POU6F2: variants seen among roughly 807,000 people sequenced by gnomAD.
The protein encoded by POU6F2 is POU domain, class 6, transcription factor 2.
A neutral mutation model predicts 71.3 loss-of-function variants in POU6F2; 31 were observed. That is an observed-to-expected ratio of 0.43 (90% confidence interval 0.33 to 0.59). POU6F2 has a LOEUF of 0.59. Ranked by LOEUF, POU6F2 falls within the 20% of genes least tolerant of loss-of-function variation. The pLI is 0.04. For missense variants in POU6F2, 783 were observed against 856.8 expected (o/e 0.91, Z 1.07); for synonymous variants, 347 against 355.7 (o/e 0.98, Z 0.27).
At chr7:39,038,967 C>G (rs1790122100) in intron 1 of POU6F2, among the ~76,000 whole-genome samples, 1 of 151,768 alleles carries the variant, frequency 6.6e-6, no homozygotes, top group South Asian at 2.1e-4. Context: ...GAAGACAAAA[C>G]TGCTTATGAA....
chr7:39,413,890 C>T (rs758221368), intron 6 of POU6F2, among the ~76,000 whole-genome samples: 4 of 152,202 alleles, frequency 2.6e-5, no homozygotes, highest in African/African-American at 7.2e-5. Flanking sequence ...GAAACAGTTG[C>T]ATTAATGCCG....
At position 39,023,871 on chromosome 7, in the gene POU6F2, G is replaced by T. The variant is rs1180627176; in HGVS notation, c.105+45813G>T. ...AGCCAGAAAGGAAAAAGGCCCAATG[G>T]TTGGTGAAAGAGCCAGGATTCCTGT... On this transcript the variant is annotated intron_variant, in intron 1 of 9. Coordinates refer to ENST00000518318, the MANE Select transcript of POU6F2 (RefSeq NM_001370959.1). Among the ~76,000 whole-genome samples, 4 of 152,018 alleles carry T rather than the reference G, an allele frequency of 2.6e-5. No individual in the cohort carries two copies. The South Asian group carries it at 8.3e-4, about 32-fold the overall frequency.
intron 5 of POU6F2, among the ~76,000 whole-genome samples, chr7:39,367,042 C>A (rs905449574): frequency 2.6e-5 from 4 of 151,782 alleles, no homozygotes; most frequent in Non-Finnish European, 5.9e-5. Flanking sequence ...GAGGGGGAGA[C>A]CTGAAGAGGG....
At chr7:38,990,586 T>C (rs1174673047) in intron 1 of POU6F2, among the ~76,000 whole-genome samples, 1 of 152,186 alleles carries the variant, frequency 6.6e-6, no homozygotes, top group Non-Finnish European at 1.5e-5. Context: ...ATCAACATGA[T>C]CTTCAACAAA....
chr7:39,113,992 T>C (rs1791876097), intron 2 of POU6F2, among the ~76,000 whole-genome samples: 1 of 152,128 alleles, frequency 6.6e-6, no homozygotes, highest in Non-Finnish European at 1.5e-5. Context: ...AGAGTGTATC[T>C]CTTAAGAAAT....
intron 4 of POU6F2, among the ~76,000 whole-genome samples, chr7:39,224,421 G>C (rs1794424878): frequency 1.3e-5 from 2 of 151,260 alleles, no homozygotes; most frequent in Non-Finnish European, 2.9e-5. Context: ...ACCCCAAACT[G>C]CTCCAGCATT....
chr7:39,131,190 T>C (rs948247444), intron 2 of POU6F2, among the ~76,000 whole-genome samples: 4 of 152,152 alleles, frequency 2.6e-5, no homozygotes, highest in Non-Finnish European at 5.9e-5. Flanking sequence ...ATTGCTTTTT[T>C]CCCCTTCCCC....
chr7:39,269,355 T>A (rs1234248884), intron 4 of POU6F2, among the ~76,000 whole-genome samples: 1 of 152,120 alleles, frequency 6.6e-6, no homozygotes, highest in Non-Finnish European at 1.5e-5. Flanking sequence ...TCCTGGACAG[T>A]TCCTCCTAGT....
At chr7:39,130,221 T>C (rs1227446510) in intron 2 of POU6F2, among the ~76,000 whole-genome samples, 1 of 151,722 alleles carries the variant, frequency 6.6e-6, no homozygotes, top group Non-Finnish European at 1.5e-5. Context: ...TTATTAACTA[T>C]AGGAAAAATT....
intron 1 of POU6F2, among the ~76,000 whole-genome samples, chr7:39,044,221 A>G (rs1476283029): frequency 6.6e-6 from 1 of 151,938 alleles, no homozygotes; most frequent in Admixed American, 6.6e-5. Context: ...GTCGATTTTC[A>G]TTATCATTTT....
At chr7:39,070,057 C>T (rs867846214) in intron 1 of POU6F2, among the ~76,000 whole-genome samples, 1 of 152,150 alleles carries the variant, frequency 6.6e-6, no homozygotes, top group Admixed American at 6.5e-5. Context: ...ACTGGCCACA[C>T]GTGCCCAGGG....
At chr7:39,404,477 A>ATAAATAATTG (rs1288265881) in intron 5 of POU6F2, 2 of 152,250 alleles carry the variant, frequency 1.3e-5, no homozygotes, top group Non-Finnish European at 2.9e-5. Context: ...TTCATTAAAT[A>ATAAATAATTG]TAAATAATTG....
intron 5 of POU6F2, among the ~76,000 whole-genome samples, chr7:39,399,301 C>T (rs1004031582): frequency 6.6e-6 from 1 of 152,202 alleles, no homozygotes; most frequent in Non-Finnish European, 1.5e-5. Context: ...ACTGTATCCC[C>T]TCACACAATG....
intron 4 of POU6F2, among the ~76,000 whole-genome samples, chr7:39,247,324 G>A (rs780169658): frequency 2.6e-5 from 4 of 151,958 alleles, no homozygotes; most frequent in South Asian, 4.2e-4. Context: ...CAAAAATTAC[G>A]TCTGTGATCC....
chr7:39,152,460 G>A (rs890753828), intron 2 of POU6F2, among the ~76,000 whole-genome samples: 10 of 152,084 alleles, frequency 6.6e-5, no homozygotes, highest in African/African-American at 1.5e-4. Flanking sequence ...CTCCTCCCTC[G>A]TCCCTGTATT....
rs200959412 is a variant in POU6F2 at position 39,065,208 on chromosome 7, G to A, written c.106-20652G>A. On this transcript the variant is annotated intron_variant, in intron 1 of 9. Transcript: ENST00000518318. ...CAAAAACACAGTCTCTTCCATAATC[G>A]GTTACAATTAAAAATTAATAATAGA... is the stretch of plus-strand genomic sequence containing the variant. Among the ~76,000 whole-genome samples the A allele has an allele frequency of 1.6e-3, 240 of 151,452 alleles. 6 individuals carry two copies. In the South Asian group the frequency reaches 0.025, roughly 16 times the overall value.
chr7:39,177,624 G>A (rs979654557), intron 2 of POU6F2, among the ~76,000 whole-genome samples: 1 of 152,186 alleles, frequency 6.6e-6, no homozygotes, highest in African/African-American at 2.4e-5. Context: ...ACACGGAAGG[G>A]GCTGGCATGG....
In POU6F2 at chr7:39,179,533, G is replaced by GCA. The variant is rs564316167; in HGVS notation, c.278-24686_278-24685dup. Among the ~76,000 whole-genome samples the GCA allele has an allele frequency of 8.4e-3, 1,277 of 151,540 alleles. 9 individuals carry two copies. The highest frequency in any genetic ancestry group is 0.025 in the South Asian group (120 of 4,800). ...TGAGACCGCACGCGCGCACATGCGC[G>GCA]CACACACACACACACACGCACACAG... On this transcript the variant is annotated intron_variant, in intron 2 of 9. Coordinates refer to ENST00000518318, the MANE Select transcript of POU6F2 (RefSeq NM_001370959.1).
intron 2 of POU6F2, among the ~76,000 whole-genome samples, chr7:39,105,130 T>G (rs1168962001): frequency 6.6e-6 from 1 of 152,206 alleles, no homozygotes; most frequent in East Asian, 1.9e-4. Flanking sequence ...GTCCACCATG[T>G]CACACTTATG....
Sources: gnomAD v4.1 joint callset for allele counts (sites outside exome capture counted in the v4.1 genomes callset) on GRCh38, gnomAD v4.1.1 for gene constraint, MANE v1.5 for transcripts, NCBI Gene and HGNC (gene_info 2026-07-23, HGNC 2026-07-21) for gene names.